The following FAHD2B variants were observed in gnomAD, a reference collection of about 807,000 sequenced individuals.
FAHD2B encodes fumarylacetoacetate hydrolase domain containing 2B.
FAHD2B carries 26 observed loss-of-function variants against 33.7 expected under a neutral mutation model. The observed-to-expected ratio is 0.77, with a 90% confidence interval of 0.57 to 1.07. FAHD2B has a LOEUF of 1.07. FAHD2B is among the 50% of genes least tolerant of loss of function. The pLI, the probability that FAHD2B is intolerant of heterozygous loss-of-function variation, is 0.00. For missense variants in FAHD2B, 272 were observed against 388.1 expected, an observed-to-expected ratio of 0.70 and a Z score of 2.51; for synonymous variants, 108 against 150.9, an observed-to-expected ratio of 0.72 and a Z score of 2.08.
At chr2:97,082,373 A>G (rs2031677589), downstream of FAHD2B, 23 of 1,613,214 alleles carry the variant, frequency 1.4e-5, no homozygotes, top group Non-Finnish European at 1.9e-5. Context: ...GCTGGGTGCC[A>G]GGTCTAGGTC....
intron 4 of FAHD2B, among the ~76,000 whole-genome samples, chr2:97,087,667 C>T (rs1202788699): frequency 6.6e-6 from 1 of 152,022 alleles, no homozygotes; most frequent in African/African-American, 2.4e-5. Context: ...CCACTACATT[C>T]CAGCCTGGGT....
rs371237838 is a variant in FAHD2B at position 97,086,238 on chromosome 2, G to A, written c.463-40C>T. On this transcript the variant is annotated intron_variant, in intron 4 of 8. Coordinates refer to ENST00000414820, the MANE Select transcript of FAHD2B (RefSeq NM_001320848.2). Reference sequence around the variant, plus strand: ...AGGAATAGTGAGCCGCAGTGGCTTCGGGGCCCATTATCTATGCTCAGAGGC... The same window carrying A: ...AGGAATAGTGAGCCGCAGTGGCTTCAGGGCCCATTATCTATGCTCAGAGGC... 2.1e-5 allele frequency: 33 copies of A among 1,603,484 alleles called. 1 individual carries two copies. In the African/African-American group the frequency reaches 2.5e-4, roughly 12 times the overall value.
In FAHD2B at chr2:97,083,928, T is replaced by C; in HGVS notation, c.882+20A>G. 1 of 1,613,892 alleles carries C rather than the reference T, an allele frequency of 6.2e-7. No homozygotes were observed. The highest frequency in any genetic ancestry group is 8.5e-7 in the Non-Finnish European group (1 of 1,179,982). ...CCAGGCCTTTGGGGCCCTTGCTCTC[T>C]TTGCTTTTCGCTAACCTACCTTGAG... On this transcript the variant is annotated intron_variant, in intron 8 of 8. Transcript: ENST00000414820.
downstream of FAHD2B, among the ~76,000 whole-genome samples, chr2:97,079,921 T>G (rs987358899): frequency 3.3e-5 from 5 of 152,118 alleles, 1 homozygote; most frequent in African/African-American, 1.2e-4. Flanking sequence ...TGCCTTGGCC[T>G]CCCACAGTGC....
chr2:97,082,100 G>A (rs2031665161), downstream of FAHD2B: 2 of 1,583,368 alleles, frequency 1.3e-6, no homozygotes, highest in East Asian at 4.6e-5. Context: ...GAGACCGAGG[G>A]CCAGTACTCC....
chr2:97,089,517 C>CA (rs544124576), intron 4 of FAHD2B, among the ~76,000 whole-genome samples: 4,723 of 61,640 alleles, frequency 0.077, 459 homozygotes, highest in African/African-American at 0.23. Flanking sequence ...GACTCTGTCT[C>CA]AAAAAAAAAA....
chr2:97,088,364 T>G (rs1158510857), intron 4 of FAHD2B, among the ~76,000 whole-genome samples: 1 of 152,076 alleles, frequency 6.6e-6, no homozygotes, highest in Non-Finnish European at 1.5e-5. Flanking sequence ...GATGACTGAA[T>G]CATGGGGGCA....
intron 6 of FAHD2B, among the ~76,000 whole-genome samples, 155 bp from the exon 7 acceptor site, chr2:97,084,432 G>A (rs1486682047): frequency 3.3e-5 from 5 of 152,042 alleles, no homozygotes; most frequent in South Asian, 2.1e-4. Flanking sequence ...AGAACTTTCT[G>A]TATAGACACT....
At position 97,091,487 on chromosome 2, in the gene FAHD2B, C is replaced by T. The variant is rs2032334227; in HGVS notation, c.220G>A (p.Glu74Lys). ...CTTCTTGCCACTGAGAGGGTGGCCTCTCCCTGCTCTAGGAACTGCGTCATC... is the reference window on the plus strand; with the variant it reads ...CTTCTTGCCACTGAGAGGGTGGCCTTTCCCTGCTCTAGGAACTGCGTCATC... ...KTMTQFLEQGEATLSVARRAL... is the reference protein window; with the variant it reads ...KTMTQFLEQGKATLSVARRAL... Residue 74 changes from glutamate to lysine, a missense_variant, in exon 3 of 9, where the codon GAG becomes AAG. By Grantham distance (56) the Glu-to-Lys change is moderately conservative (BLOSUM62 1). Coordinates refer to ENST00000414820, the MANE Select transcript of FAHD2B (RefSeq NM_001320848.2). 2 of 1,613,040 alleles carry T rather than the reference C, an allele frequency of 1.2e-6. No individual in the cohort carries two copies. The highest frequency in any genetic ancestry group is 1.3e-5 in the African/African-American group (1 of 74,550).
intron 1 of FAHD2B, among the ~76,000 whole-genome samples, chr2:97,092,689 G>T (rs1398985387): frequency 1.3e-5 from 2 of 152,050 alleles, no homozygotes; most frequent in African/African-American, 2.4e-5. Context: ...ATCCACAAGG[G>T]CCAGACGCAG....
chr2:97,081,535 A>T, downstream of FAHD2B: 36 of 1,548,094 alleles, frequency 2.3e-5, no homozygotes, highest in Non-Finnish European at 3.1e-5. Flanking sequence ...GCAGTTGGAG[A>T]CAAGATCCTT....
Position 97,085,843 on chromosome 2 carries a change from G to A in FAHD2B, c.541C>T (p.His181Tyr). The A allele has an allele frequency of 6.2e-7, 1 of 1,613,860 alleles. No homozygotes were observed. The highest frequency in any genetic ancestry group is 2.2e-5 in the East Asian group (1 of 44,884). Residue 181 changes from histidine to tyrosine, a missense_variant, in exon 6 of 9, where the codon CAC becomes TAC. Transcript: ENST00000414820. ...KHIKATDAMA[H>Y]VAGFTVAHDV... ...TGAGCCACAGTGAAGCCGGCCACGT[G>A]GGCCATGGCATCTGTGGCCTATGGG...
At position 97,090,245 on chromosome 2, in the gene FAHD2B, A is replaced by G; in HGVS notation, c.326T>C (p.Val109Ala). Reference protein sequence around the residue: ...LAPVTWPDKVVCVGMNYVDHC... With the variant: ...LAPVTWPDKVACVGMNYVDHC... ...GTCCACATAATTCATGCCCACACAC[A>G]CCACCTTATCTGGCCATGTGACTGG... Residue 109 changes from valine (V) to alanine (A), a missense_variant, in exon 4 of 9, where the codon GTG becomes GCG. Physicochemically the swap from Val to Ala is moderately conservative, Grantham distance 64. Transcript: ENST00000414820. 6.2e-7 allele frequency: 1 copy of G among 1,611,780 alleles called. No individual in the cohort carries two copies. The highest frequency in any genetic ancestry group is 8.5e-7 in the Non-Finnish European group (1 of 1,179,104).
Position 97,085,871 on chromosome 2 carries a change from CA to C in FAHD2B, c.523-11del. 6.2e-7 allele frequency: 1 copy of C among 1,613,752 alleles called. No homozygotes were observed. Among genetic ancestry groups the C allele is most frequent in the Non-Finnish European group, 8.5e-7 (1 of 1,179,798 alleles). On this transcript the variant is annotated splice_polypyrimidine_tract_variant and intron_variant, in intron 5 of 8. Coordinates refer to ENST00000414820, the MANE Select transcript of FAHD2B (RefSeq NM_001320848.2). ...CCATGGCATCTGTGGCCTATGGGGG[CA>C]GGGGATTTGGCCATACAGGAGGTTA...
At position 97,091,461 on chromosome 2, in the gene FAHD2B, C is replaced by T; in HGVS notation, c.245+1G>A. 6.2e-7 allele frequency: 1 copy of T among 1,608,646 alleles called. No individual in the cohort carries two copies. Among genetic ancestry groups the T allele is most frequent in the East Asian group, 2.2e-5 (1 of 44,720 alleles). On this transcript the variant is annotated splice_donor_variant, in intron 3 of 8. Transcript: ENST00000414820. LOFTEE classifies it high-confidence loss of function. ...CAGGGCGATGCTGCCCACTTACTTA[C>T]CTTCTTGCCACTGAGAGGGTGGCCT... is the stretch of plus-strand genomic sequence containing the variant.
chr2:97,083,713 G>C lies in FAHD2B; in HGVS notation c.*42C>G, dbSNP rs749754764. 1.9e-6 allele frequency: 3 copies of C among 1,613,822 alleles called. No homozygotes were observed. The highest frequency in any genetic ancestry group is 1.7e-5 in the Admixed American group (1 of 59,956). ...CCTTTCCCTGGGCTAGGCTGAGTGG[G>C]AGCAGATGCCCTCATCCTATGTCGG... On this transcript the variant is annotated 3_prime_UTR_variant, in exon 9 of 9. Coordinates refer to ENST00000414820, the MANE Select transcript of FAHD2B (RefSeq NM_001320848.2).
chr2:97,082,346 A>C (rs1486092806), downstream of FAHD2B: 1 of 1,607,446 alleles, frequency 6.2e-7, no homozygotes, highest in Admixed American at 1.7e-5. Context: ...GCAGTCCTCG[A>C]GGCAGGCTGT....
rs1438727102 is a variant in FAHD2B at position 97,085,732 on chromosome 2, C to A, written c.652G>T (p.Gly218Cys). The A allele has an allele frequency of 6.2e-7, 1 of 1,613,792 alleles. No individual in the cohort carries two copies. The highest frequency in any genetic ancestry group is 2.2e-5 in the East Asian group (1 of 44,878). The part of the protein sequence containing the change: ...GKTFDTFCPL[G>C]PALVTKDSVA... ...CTGTCCTTGGTCACCAAGGCAGGGC[C>A]CAGAGGGCAGAAGGTGTCGAAGGTT... The change falls in exon 6 of 9, where the codon GGC (glycine) becomes TGC (cysteine). Residue 218 changes from glycine to cysteine, a missense_variant. Transcript: ENST00000414820.
chr2:97,084,480 C>T (rs886411293), intron 6 of FAHD2B, among the ~76,000 whole-genome samples: 1 of 151,898 alleles, frequency 6.6e-6, no homozygotes, highest in Non-Finnish European at 1.5e-5. Flanking sequence ...ACCAAGAGCA[C>T]CAGGCAGTAG....
Sources: gnomAD v4.1 joint callset for allele counts (sites outside exome capture counted in the v4.1 genomes callset) on GRCh38, gnomAD v4.1.1 for gene constraint, MANE v1.5 for transcripts, NCBI Gene and HGNC (gene_info 2026-07-23, HGNC 2026-07-21) for gene names.